The following PTS variants were observed in gnomAD, a reference collection of about 807,000 sequenced individuals.
PTS encodes 6-pyruvoyltetrahydropterin synthase, also known as 6-pyruvoyl tetrahydrobiopterin synthase.
A neutral mutation model predicts 20.6 loss-of-function variants in PTS; 23 were observed. The observed-to-expected ratio is 1.12, with a 90% CI of 0.80 to 1.58. PTS has a LOEUF of 1.58. PTS is among the 40% of genes most tolerant of loss of function. The pLI is 0.00. For synonymous variants in PTS, 65 were observed against 62.5 expected (o/e 1.04, Z -0.19); for missense variants, 186 against 182.4 (o/e 1.02, Z -0.11).
At chr11:112,228,732 A>C in intron 2 of PTS, 59 bp downstream of exon 2, 3 of 1,455,206 alleles carry the variant, frequency 2.1e-6, no homozygotes, top group Non-Finnish European at 2.9e-6. Flanking sequence ...GTATTCAGCA[A>C]ATGTAGACAT....
chr11:112,230,123 G>T (rs1470566306), intron 2 of PTS, 85 bp from the exon 3 acceptor site: 2 of 1,276,288 alleles, frequency 1.6e-6, no homozygotes, highest in Admixed American at 3.4e-5. Flanking sequence ...TTGCCAACTT[G>T]TGCTTGTATG....
intron 1 of PTS, among the ~76,000 whole-genome samples, chr11:112,226,727 G>A (rs1859871040): frequency 6.6e-6 from 1 of 151,942 alleles, no homozygotes; most frequent in Admixed American, 6.5e-5. Context: ...AGCCCTGGAG[G>A]GGTGGGGGAG....
chr11:112,228,793 G>A lies in PTS; in HGVS notation c.163+120G>A, dbSNP rs1859896990. 3 of 920,194 alleles carry A rather than the reference G, an allele frequency of 3.3e-6. No homozygotes were observed. The East Asian group carries it at 7.7e-5, about 24-fold the overall frequency. The allele number at this position is 920,194 out of a possible 1,614,324, so 57.0% of individuals were successfully genotyped here. ...AGTGTGAATGCTTTGAGCCTTGAAT[G>A]AGAAATTAAATGGGAGTTCAGAATG... On this transcript the variant is annotated intron_variant, in intron 2 of 5. Transcript: ENST00000280362.
At chr11:112,233,136 G>C in intron 4 of PTS, 27 bp from the exon 5 acceptor site, 2 of 1,596,564 alleles carry the variant, frequency 1.3e-6, no homozygotes, top group Non-Finnish European at 1.7e-6. Context: ...TGGAGTCAAT[G>C]ATATTTTCCC....
rs1240322676 is a variant in PTS, at chr11:112,230,674, T to C, written c.235T>C (p.Tyr79His). ...MVMNLADLKK[Y>H]MEEAIMQPLD... The stretch of plus-strand genomic sequence containing the variant: ...TATGAATCTGGCTGATCTCAAAAAA[T>C]ATATGGAGGTAATGGCATGTTGGGT... The change falls in exon 4 of 6, where the codon TAT becomes CAT. Residue 79 changes from tyrosine (Y) to histidine (H), a missense_variant. Coordinates refer to ENST00000280362, the MANE Select transcript of PTS (RefSeq NM_000317.3). 1 of 1,609,400 alleles carries C rather than the reference T, an allele frequency of 6.2e-7. No homozygotes were observed. The highest frequency in any genetic ancestry group is 8.5e-7 in the Non-Finnish European group (1 of 1,175,704).
intron 2 of PTS, chr11:112,228,966 G>A: frequency 2.8e-6 from 1 of 358,184 alleles, no homozygotes; most frequent in Non-Finnish European, 5.0e-6. Context: ...GTATGGCCAA[G>A]GCTAATGTTA....
In PTS at chr11:112,228,305, G is replaced by A. The variant is rs1047523950; in HGVS notation, c.84-289G>A. The A allele has an allele frequency of 9.1e-6, 4 of 440,810 alleles. No individual in the cohort carries two copies. The East Asian group carries it at 1.7e-4, about 19-fold the overall frequency. The allele number at this position is 440,810 out of a possible 1,614,324, so 27.3% of individuals were successfully genotyped here. A position where few individuals can be genotyped will look rare whatever the true frequency, so the allele number is the denominator to read the frequency against. On this transcript the variant is annotated intron_variant, in intron 1 of 5. Coordinates refer to ENST00000280362, the MANE Select transcript of PTS (RefSeq NM_000317.3). ...GCACTCAGTAATGTTGAATTGAAAAGTGGAAGGCCCATGAGCAGATCAGTT... is the reference window on the plus strand; with the variant it reads ...GCACTCAGTAATGTTGAATTGAAAAATGGAAGGCCCATGAGCAGATCAGTT...
intron 2 of PTS, chr11:112,229,651 C>T (rs898827455): frequency 4.4e-5 from 7 of 158,140 alleles, no homozygotes; most frequent in East Asian, 1.9e-4. Flanking sequence ...CTCGGCCTCC[C>T]GAAGTGCTGG....
chr11:112,230,279 T>C, intron 3 of PTS, 49 bp downstream of exon 3: 1 of 1,581,380 alleles, frequency 6.3e-7, no homozygotes. Context: ...CTGGGCTCTC[T>C]TTCAGCCAGT....
rs104894278 is a variant in PTS, at chr11:112,228,649, A to G, written c.139A>G (p.Asn47Asp). ...ACTGTTTGGGAAATGCAACAATCCA[A>G]ATGGCCATGGGCACAATTATAAAGG... ...LKLFGKCNNP[N>D]GHGHNYKVVV... Residue 47 changes from asparagine (N) to aspartate (D), a missense_variant, in exon 2 of 6, where the codon AAT becomes GAT. By Grantham distance (23) the Asn-to-Asp change is conservative (BLOSUM62 1). Transcript: ENST00000280362. The G allele has an allele frequency of 6.2e-7, 1 of 1,612,918 alleles. No individual in the cohort carries two copies.
intron 2 of PTS, among the ~76,000 whole-genome samples, chr11:112,229,901 A>G (rs1859908390): frequency 6.6e-6 from 1 of 152,316 alleles, no homozygotes; most frequent in South Asian, 2.1e-4. Context: ...ACTGAGCAGC[A>G]TCTTGATGCT....
At chr11:112,232,395 GA>G (rs1859950591) in intron 4 of PTS, among the ~76,000 whole-genome samples, 1 of 152,108 alleles carries the variant, frequency 6.6e-6, no homozygotes, top group African/African-American at 2.4e-5. Flanking sequence ...ATAACTGTTT[GA>G]TCTAGGACTT....
intron 1 of PTS, among the ~76,000 whole-genome samples, chr11:112,226,743 TG>T (rs1433021778): frequency 6.6e-6 from 1 of 151,442 alleles, no homozygotes; most frequent in Non-Finnish European, 1.5e-5. Flanking sequence ...GGGAGCTTGA[TG>T]GTTAACGGAG....
At chr11:112,230,600 A>C (rs766275038) in intron 3 of PTS, 26 bp from the exon 4 acceptor site, 1 of 1,578,920 alleles carries the variant, frequency 6.3e-7, no homozygotes, top group Non-Finnish European at 8.7e-7. Flanking sequence ...CTATCACAGT[A>C]ATATTCACCT....
chr11:112,232,646 A>G (rs539756710), intron 4 of PTS, among the ~76,000 whole-genome samples: 8 of 152,302 alleles, frequency 5.3e-5, no homozygotes, highest in African/African-American at 1.9e-4. Context: ...CTTTACATAT[A>G]TATATTTTTC....
chr11:112,227,711 G>A (rs1301658283), intron 1 of PTS, among the ~76,000 whole-genome samples: 1 of 152,050 alleles, frequency 6.6e-6, no homozygotes, highest in African/African-American at 2.4e-5. Context: ...CTAATAGAGC[G>A]AGAACTCACT....
At chr11:112,233,269 A>G in intron 5 of PTS, 36 bp downstream of exon 5, 1 of 1,591,544 alleles carries the variant, frequency 6.3e-7, no homozygotes, top group Non-Finnish European at 8.6e-7. Flanking sequence ...TGTGGATTGT[A>G]AAACAAGAAT....
At chr11:112,227,939 T>C (rs1592878913) in intron 1 of PTS, among the ~76,000 whole-genome samples, 1 of 152,220 alleles carries the variant, frequency 6.6e-6, no homozygotes, top group East Asian at 1.9e-4. Context: ...TAAGGTCTCA[T>C]AGACGATGCG....
chr11:112,232,427 GT>G (rs1297851577), intron 4 of PTS, among the ~76,000 whole-genome samples: 1 of 152,036 alleles, frequency 6.6e-6, no homozygotes, highest in African/African-American at 2.4e-5. Context: ...TATGATTCTA[GT>G]TTTTCTCAAG....
Sources: allele counts gnomAD v4.1 joint callset (sites outside exome capture counted in the v4.1 genomes callset), GRCh38; gene constraint gnomAD v4.1.1; transcripts MANE v1.5; gene names NCBI Gene and HGNC (gene_info 2026-07-23, HGNC 2026-07-21).